UBOX5: variants seen among roughly 807,000 people sequenced by gnomAD.
UBOX5 encodes U-box domain containing 5, also known as RING finger protein 37.
A neutral mutation model predicts 39.0 loss-of-function variants in UBOX5; 28 were observed. That is an observed-to-expected ratio of 0.72 (90% CI 0.53 to 0.98). The LOEUF (loss-of-function observed/expected upper bound fraction) is 0.98, where lower values mean the gene tolerates loss of function less well. UBOX5 is among the 50% of genes least tolerant of loss of function. The probability of loss-of-function intolerance (pLI) is 0.00; values close to 1 mark genes in which losing one functional copy is unlikely to be tolerated. For missense variants in UBOX5, 585 were observed against 674.4 expected, an observed-to-expected ratio of 0.87 and a Z score of 1.47; for synonymous variants, 283 against 275.5, an observed-to-expected ratio of 1.03 and a Z score of -0.27.
chr20:3,142,578 T>A (rs1240980605), intron 1 of UBOX5, among the ~76,000 whole-genome samples: 2 of 132,290 alleles, frequency 1.5e-5, no homozygotes, highest in Non-Finnish European at 3.1e-5. Flanking sequence ...CACTCCAGCC[T>A]GGGTGACAGA....
chr20:3,113,940 C>T (rs2066274041), intron 4 of UBOX5, among the ~76,000 whole-genome samples: 1 of 152,128 alleles, frequency 6.6e-6, no homozygotes, highest in Non-Finnish European at 1.5e-5. Flanking sequence ...TCAAAACCAG[C>T]CTGGCCAACA....
Position 3,157,018 on chromosome 20 carries a change from T to C in UBOX5, c.-42+2748A>G, listed in dbSNP as rs555358887. On this transcript the variant is annotated intron_variant, in intron 1 of 4. Transcript: ENST00000217173. ...GGCTCATGACCATAATCCCAGCACT[T>C]TGGAAGGCCGAGCAGGCAGATCACG... Among the ~76,000 whole-genome samples the C allele has an allele frequency of 3.3e-5, 5 of 152,138 alleles. No individual in the cohort carries two copies. In the South Asian group the frequency reaches 8.3e-4, roughly 25 times the overall value.
At chr20:3,123,085 T>C (rs1425589551) in intron 2 of UBOX5, among the ~76,000 whole-genome samples, 1 of 152,100 alleles carries the variant, frequency 6.6e-6, no homozygotes, top group Non-Finnish European at 1.5e-5. Context: ...AAGAGCACAG[T>C]GAAGAGGACC....
chr20:3,110,022 C>T lies in UBOX5; in HGVS notation c.*84G>A. ...GGCAGCTCTGTGCCTGGGGCCTGGC[C>T]AGACCTCAGGGGTGCTGTGGCCCTG... On this transcript the variant is annotated 3_prime_UTR_variant, in exon 5 of 5. Transcript: ENST00000217173. 1 of 1,547,844 alleles carries T rather than the reference C, an allele frequency of 6.5e-7. No individual in the cohort carries two copies. The highest frequency in any genetic ancestry group is 8.8e-7 in the Non-Finnish European group (1 of 1,137,836).
intron 1 of UBOX5, among the ~76,000 whole-genome samples, chr20:3,146,000 C>T (rs1418919186): frequency 7.3e-5 from 11 of 150,436 alleles, no homozygotes; most frequent in Admixed American, 6.7e-5. Context: ...GAGCCAAGAT[C>T]GCGCCATTGC....
chr20:3,156,368 G>A lies in UBOX5; in HGVS notation c.-42+3398C>T, dbSNP rs915817377. 4.0e-5 allele frequency among the ~76,000 whole-genome samples: 6 copies of A among 151,876 alleles called. No homozygotes were observed. The South Asian group carries it at 6.2e-4, about 16-fold the overall frequency. On this transcript the variant is annotated intron_variant, in intron 1 of 4. Transcript: ENST00000217173. ...TTTTTTTGTATTTTTTGGTAGAGAC[G>A]GGGTTTTGCCATGTTGGTCAGGCTG...
chr20:3,112,275 G>A (rs1269145372), intron 4 of UBOX5, among the ~76,000 whole-genome samples: 1 of 152,040 alleles, frequency 6.6e-6, no homozygotes, highest in African/African-American at 2.4e-5. Flanking sequence ...GACCCACAGT[G>A]CATGATGAGA....
chr20:3,110,213 G>C lies in UBOX5; in HGVS notation c.1519C>G (p.Leu507Val), dbSNP rs757045533. ...TCACCCAGGCAGGGTCGGCACAGGA[G>C]GTGGCCGCAGGGCAGCTGGTACACC... ...EPVYQLPCGH[L>V]LCRPCLGEKQ... Residue 507 changes from leucine to valine, a missense_variant, in exon 5 of 5, where the codon CTC becomes GTC. Physicochemically the swap from Leu to Val is conservative, Grantham distance 32. Coordinates refer to ENST00000217173, the MANE Select transcript of UBOX5 (RefSeq NM_014948.4). 1.2e-6 allele frequency: 2 copies of C among 1,614,038 alleles called. No individual in the cohort carries two copies. Among genetic ancestry groups the C allele is most frequent in the Admixed American group, 1.7e-5 (1 of 60,030 alleles).
Position 3,109,822 on chromosome 20 carries a change from T to G in UBOX5, c.*284A>C, listed in dbSNP as rs1480415516. The G allele has an allele frequency of 1.4e-5, 7 of 497,212 alleles. No homozygotes were observed. The highest frequency in any genetic ancestry group is 2.6e-5 in the Non-Finnish European group (7 of 272,750). 30.8% of individuals were successfully genotyped at this position (497,212 alleles called of 1,614,324 possible). On this transcript the variant is annotated 3_prime_UTR_variant, in exon 5 of 5. Transcript: ENST00000217173. The stretch of plus-strand genomic sequence containing the variant: ...CACGGGGGGGCCCTCAGCAGGGGTC[T>G]TCCTGCCTAGGGTGGGGCTGGCTCC...
chr20:3,130,533 C>T (rs902066970), intron 1 of UBOX5, among the ~76,000 whole-genome samples: 9 of 151,884 alleles, frequency 5.9e-5, no homozygotes, highest in African/African-American at 2.2e-4. Context: ...TTACTACTAC[C>T]TTAAGATCAA....
intron 1 of UBOX5, among the ~76,000 whole-genome samples, chr20:3,141,323 T>C (rs898218478): frequency 6.6e-6 from 1 of 152,170 alleles, no homozygotes; most frequent in Non-Finnish European, 1.5e-5. Flanking sequence ...GCATATTATA[T>C]TTATTGAACA....
chr20:3,152,020 G>A (rs561284008), intron 1 of UBOX5: 1 of 149,428 alleles, frequency 6.7e-6, no homozygotes, highest in East Asian at 2.0e-4. Flanking sequence ...CACAAGAGTC[G>A]CTTGAACCCA....
At chr20:3,127,296 C>G (rs2066398487) in intron 1 of UBOX5, among the ~76,000 whole-genome samples, 1 of 152,130 alleles carries the variant, frequency 6.6e-6, no homozygotes, top group Non-Finnish European at 1.5e-5. Context: ...CTTTTGCTGT[C>G]AAAATCAGTA....
chr20:3,136,966 G>A (rs960473306), intron 1 of UBOX5, among the ~76,000 whole-genome samples: 6 of 142,390 alleles, frequency 4.2e-5, no homozygotes, highest in Admixed American at 1.4e-4. Context: ...CTGTTTTTCT[G>A]AGACAGTGTC....
intron 3 of UBOX5, 120 bp downstream of exon 3, chr20:3,121,264 C>G: frequency 7.1e-7 from 1 of 1,418,412 alleles, no homozygotes; most frequent in Non-Finnish European, 9.5e-7. Context: ...GGGAAGGAGG[C>G]AGCACAGGCA....
chr20:3,123,219 A>AG (rs1160293675), intron 2 of UBOX5, 93 bp downstream of exon 2: 48 of 1,359,412 alleles, frequency 3.5e-5, no homozygotes, highest in Non-Finnish European at 4.0e-5. Context: ...AAGTGCAGTA[A>AG]GCCTGAATCA....
intron 1 of UBOX5, among the ~76,000 whole-genome samples, chr20:3,136,498 C>G (rs1476668277): frequency 6.6e-6 from 1 of 151,448 alleles, no homozygotes; most frequent in Non-Finnish European, 1.5e-5. Flanking sequence ...GGATTACAGG[C>G]ATGCGCCATC....
Position 3,146,844 on chromosome 20 carries a change from G to C in UBOX5, c.-42+12922C>G, listed in dbSNP as rs2066568012. The C allele has an allele frequency of 2.5e-6, 4 of 1,614,084 alleles. No homozygotes were observed. The South Asian group carries it at 3.3e-5, about 13-fold the overall frequency. On this transcript the variant is annotated intron_variant, in intron 1 of 4. Coordinates refer to ENST00000217173, the MANE Select transcript of UBOX5 (RefSeq NM_014948.4). Reference sequence around the variant, plus strand: ...TTTTCTAAGCGAGTTCGTTTCAGTAGTGGGAGCCATTCCCAGTAGGATAAC... The same window carrying C: ...TTTTCTAAGCGAGTTCGTTTCAGTACTGGGAGCCATTCCCAGTAGGATAAC...
intron 4 of UBOX5, chr20:3,110,668 CA>C: frequency 3.3e-6 from 1 of 307,674 alleles, no homozygotes; most frequent in Middle Eastern, 1.1e-3. Context: ...CTCACTCTGA[CA>C]AGATAAACTG....
Sources: allele counts gnomAD v4.1 joint callset (sites outside exome capture counted in the v4.1 genomes callset), GRCh38; gene constraint gnomAD v4.1.1; transcripts MANE v1.5; gene names NCBI Gene and HGNC (gene_info 2026-07-23, HGNC 2026-07-21).